Variants in LRCH4 observed in about 807,000 individuals in gnomAD.
LRCH4 encodes leucine rich repeats and calponin homology domain containing 4, also known as leucine-rich repeat and calponin homology domain-containing protein 4.
A neutral mutation model predicts 81.2 loss-of-function variants in LRCH4; 56 were observed. The ratio of observed to expected loss-of-function variants is 0.69; its 90% CI spans 0.56 to 0.86. LRCH4 has a LOEUF of 0.86. Among genes scored for constraint, LRCH4 ranks in the 40% least tolerant of loss-of-function variants. The pLI, the probability that LRCH4 is intolerant of heterozygous loss-of-function variation, is 0.00. For synonymous variants in LRCH4, 442 were observed against 409.7 expected (o/e 1.08, Z -0.95); for missense variants, 895 against 922.8 (o/e 0.97, Z 0.39).
chr7:100,585,704 T>C (rs1312564757), intron 1 of LRCH4, among the ~76,000 whole-genome samples, 177 bp downstream of exon 1: 1 of 152,128 alleles, frequency 6.6e-6, no homozygotes, highest in Non-Finnish European at 1.5e-5. Flanking sequence ...AGCACGTTCA[T>C]TGTCTAGGGG....
At position 100,578,269 on chromosome 7, in the gene LRCH4, C is replaced by G; in HGVS notation, c.849-11G>C. 1.9e-6 allele frequency: 3 copies of G among 1,612,632 alleles called. No individual in the cohort carries two copies. Among genetic ancestry groups the G allele is most frequent in the Non-Finnish European group, 1.7e-6 (2 of 1,178,618 alleles). On this transcript the variant is annotated splice_polypyrimidine_tract_variant and intron_variant, in intron 6 of 17. Transcript: ENST00000310300. This position sits in a 1 kb window ranked among gnomAD's most constrained non-coding sequence, Gnocchi z 5.7. ...AGATCCTCTGCAGGGCTGGGGCCAG[C>G]CAGGCGGATCTGGTCAGCCTGATGC... is the stretch of plus-strand genomic sequence containing the variant.
rs1305822772 is a variant in LRCH4 at position 100,578,506 on chromosome 7, G to T, written c.741C>A (p.Cys247Ter). 2 of 1,613,554 alleles carry T rather than the reference G, an allele frequency of 1.2e-6. No homozygotes were observed. The highest frequency in any genetic ancestry group is 1.7e-6 in the Non-Finnish European group (2 of 1,179,684). The change falls in exon 6 of 18, where the codon TGC (cysteine) becomes TGA (stop). Residue 247 changes from cysteine to a stop codon, truncating the protein, a stop_gained. Transcript: ENST00000310300. LOFTEE classifies it high-confidence loss of function. This position sits in a 1 kb window ranked among gnomAD's most constrained non-coding sequence, Gnocchi z 5.7. ...TGAAGATGTGAAGTTTCCCCTTCAG[G>T]CAGACCTGTGTGCGGGGCAGCACAC... ...NPLQSPPAQVCLKGKLHIFKY... is the reference protein window; with the variant it reads ...NPLQSPPAQV
At chr7:100,579,470 G>A (rs1285766663) in intron 4 of LRCH4, 2 of 152,282 alleles carry the variant, frequency 1.3e-5, no homozygotes, top group South Asian at 4.1e-4. Context: ...GGTGGCGGAC[G>A]CCTGTGGTCC....
rs532401978 is a variant in LRCH4, at chr7:100,577,213, G to A, written c.1296-59C>T. 8.9e-5 allele frequency: 143 copies of A among 1,609,086 alleles called. No homozygotes were observed. Among genetic ancestry groups the A allele is most frequent in the Middle Eastern group, 1.7e-4 (1 of 6,044 alleles). On this transcript the variant is annotated intron_variant, in intron 11 of 17. Coordinates refer to ENST00000310300, the MANE Select transcript of LRCH4 (RefSeq NM_002319.5). This position sits in a 1 kb window ranked among gnomAD's most constrained non-coding sequence, Gnocchi z 6.7. The stretch of plus-strand genomic sequence containing the variant: ...AAGGCAGAACGGCTCAGCGGGGCTC[G>A]GTGGCCCCATTTCCAGGGCTCAGTG...
chr7:100,582,740 G>A lies in LRCH4; in HGVS notation c.221-281C>T, dbSNP rs775091295. Among the ~76,000 whole-genome samples, 17 of 152,250 alleles carry A rather than the reference G, an allele frequency of 1.1e-4. No homozygotes were observed. The East Asian group carries it at 1.2e-3, about 10-fold the overall frequency. Reference sequence around the variant, plus strand: ...TGTCAATGGAGGGCTATCCTGGAGAGCAGCTGGAATCTCTAACTCCTGTGG... The same window carrying A: ...TGTCAATGGAGGGCTATCCTGGAGAACAGCTGGAATCTCTAACTCCTGTGG... On this transcript the variant is annotated intron_variant, in intron 1 of 17. Coordinates refer to ENST00000310300, the MANE Select transcript of LRCH4 (RefSeq NM_002319.5). This position sits in a 1 kb window ranked among gnomAD's most constrained non-coding sequence, Gnocchi z 5.0.
In LRCH4 at chr7:100,577,696, G is replaced by T; in HGVS notation, c.1084C>A (p.Pro362Thr). The T allele has an allele frequency of 6.2e-7, 1 of 1,614,008 alleles. No homozygotes were observed. Among genetic ancestry groups the T allele is most frequent in the South Asian group, 1.1e-5 (1 of 91,086 alleles). ...GTGCCTCGCTCTTCATCCTCCCCGG[G>T]GACATGGCTGTCGATGAAGTCAATC... Reference protein sequence around the residue: ...VQIDFIDSHVPGEDEERGTVE... With the variant: ...VQIDFIDSHVTGEDEERGTVE... The change falls in exon 9 of 18, where the codon CCC becomes ACC. Residue 362 changes from proline (P) to threonine (T), a missense_variant. Around this residue, in one of 3 missense-constraint regions of LRCH4, gnomAD observed 529 missense variants for 504.9 expected, o/e 1.05. Transcript: ENST00000310300. The surrounding 1 kb of genome is among the most constrained non-coding windows in gnomAD (Gnocchi z 6.7).
chr7:100,579,580 G>A (rs1318584522), intron 4 of LRCH4: 3 of 145,500 alleles, frequency 2.1e-5, no homozygotes, highest in Non-Finnish European at 3.0e-5. Context: ...CTGGGTGACA[G>A]AGCGAGACTC....
intron 1 of LRCH4, among the ~76,000 whole-genome samples, chr7:100,584,436 G>C (rs921203157): frequency 4.6e-5 from 7 of 151,930 alleles, no homozygotes; most frequent in South Asian, 4.2e-4. Context: ...GGCCGGGGGC[G>C]GGAGCTGGGA....
Position 100,577,909 on chromosome 7 carries a change from T to C in LRCH4, c.952A>G (p.Thr318Ala), listed in dbSNP as rs777468490. 4.3e-6 allele frequency: 7 copies of C among 1,613,602 alleles called. No homozygotes were observed. In the South Asian group the frequency reaches 7.7e-5, roughly 18 times the overall value. Residue 318 changes from threonine to alanine, a missense_variant, in exon 8 of 18, where the codon ACA becomes GCA. Thr to Ala is a moderately conservative substitution (Grantham distance 58, BLOSUM62 0). Coordinates refer to ENST00000310300, the MANE Select transcript of LRCH4 (RefSeq NM_002319.5). The surrounding 1 kb of genome is among the most constrained non-coding windows in gnomAD (Gnocchi z 6.7). The stretch of plus-strand genomic sequence containing the variant: ...AATGACAGCTCTGAAAATTCATCTG[T>C]TGACTGTAAAGGCAGAGGCAGAGAT... ...GSKRWSGNESTDEFSELSFRI... is the reference protein window; with the variant it reads ...GSKRWSGNESADEFSELSFRI...
chr7:100,576,588 G>T, intron 14 of LRCH4, 106 bp downstream of exon 14: 6 of 861,040 alleles, frequency 7.0e-6, no homozygotes, highest in South Asian at 1.7e-5. Flanking sequence ...TCAACGCAAA[G>T]GTACAAAAGG....
chr7:100,576,430 A>T, intron 14 of LRCH4, 107 bp from the exon 15 acceptor site: 1 of 756,626 alleles, frequency 1.3e-6, no homozygotes, highest in Admixed American at 2.6e-5. Flanking sequence ...TGCTTGTGGG[A>T]TTTTTTTTTA....
chr7:100,585,755 A>C, intron 1 of LRCH4, 126 bp downstream of exon 1: 1 of 1,004,814 alleles, frequency 1.0e-6, no homozygotes, highest in Non-Finnish European at 1.4e-6. Flanking sequence ...GTTTAGGGCA[A>C]TCAGGAGGGG....
intron 4 of LRCH4, chr7:100,580,578 CACACA>C (rs1429472222): frequency 6.6e-6 from 1 of 151,850 alleles, no homozygotes; most frequent in Non-Finnish European, 1.5e-5. Flanking sequence ...ACATACAACA[CACACA>C]ACACAGACCT....
rs1475274425 is a variant in LRCH4 at position 100,583,013 on chromosome 7, C to G, written c.221-554G>C. On this transcript the variant is annotated intron_variant, in intron 1 of 17. Transcript: ENST00000310300. This position sits in a 1 kb window ranked among gnomAD's most constrained non-coding sequence, Gnocchi z 4.3. ...TAGAGATAAAGTCCCCGACACCGGA[C>G]GAGTTTTTCGCCAGCCCCAAGGACC... Among the ~76,000 whole-genome samples the G allele has an allele frequency of 6.6e-6, 1 of 152,156 alleles. No homozygotes were observed. The highest frequency in any genetic ancestry group is 1.5e-5 in the Non-Finnish European group (1 of 68,028).
In LRCH4 at chr7:100,585,981, C is replaced by T; in HGVS notation, c.120G>A (p.Glu40=). ...GRRSAERALE[E]AVATGTLNLS... ...GGTTCAGGGTCCCGGTGGCCACGGC[C>T]TCCTCTAGGGCCCGCTCTGCACTGC... Residue 40 remains glutamate, a synonymous_variant, in exon 1 of 18, where the codon GAG becomes GAA. Transcript: ENST00000310300. 2 of 1,612,092 alleles carry T rather than the reference C, an allele frequency of 1.2e-6. No homozygotes were observed. The highest frequency in any genetic ancestry group is 1.7e-5 in the Admixed American group (1 of 59,942).
chr7:100,576,156 G>A (rs1019200064), intron 15 of LRCH4, 82 bp downstream of exon 15: 41 of 1,514,510 alleles, frequency 2.7e-5, no homozygotes, highest in Non-Finnish European at 3.5e-5. Context: ...AGAGGATGTG[G>A]AGGGAGGCTG....
rs763606501 is a variant in LRCH4, at chr7:100,582,007, G to A, written c.492+34C>T. Reference sequence around the variant, plus strand: ...CTAGAAGGTCCCGCTGCCTGGCTCAGGGGTCCCTTTCCTGGTCCCGTCCCC... The same window carrying A: ...CTAGAAGGTCCCGCTGCCTGGCTCAAGGGTCCCTTTCCTGGTCCCGTCCCC... On this transcript the variant is annotated intron_variant, in intron 3 of 17. Coordinates refer to ENST00000310300, the MANE Select transcript of LRCH4 (RefSeq NM_002319.5). This position sits in a 1 kb window ranked among gnomAD's most constrained non-coding sequence, Gnocchi z 5.0. The A allele has an allele frequency of 6.2e-7, 1 of 1,600,514 alleles. No homozygotes were observed. Among genetic ancestry groups the A allele is most frequent in the Non-Finnish European group, 8.5e-7 (1 of 1,173,040 alleles).
Position 100,578,730 on chromosome 7 carries a change from T to G in LRCH4, c.655A>C (p.Ile219Leu), listed in dbSNP as rs1801448568. Residue 219 changes from isoleucine to leucine, a missense_variant, in exon 5 of 18, where the codon ATC (isoleucine) becomes CTC (leucine). Ile to Leu is a conservative substitution (Grantham distance 5). Transcript: ENST00000310300. The surrounding 1 kb of genome is among the most constrained non-coding windows in gnomAD (Gnocchi z 5.7). Reference sequence around the variant, plus strand: ...CTCAGGCGGCAGAAGGAGACTGGGATTCGGGAGACGCGGTTACAGGAGAAA... The same window carrying G: ...CTCAGGCGGCAGAAGGAGACTGGGAGTCGGGAGACGCGGTTACAGGAGAAA... Reference protein sequence around the residue: ...LDFSCNRVSRIPVSFCRLRHL... With the variant: ...LDFSCNRVSRLPVSFCRLRHL... 6.2e-7 allele frequency: 1 copy of G among 1,614,008 alleles called. No individual in the cohort carries two copies. Among genetic ancestry groups the G allele is most frequent in the South Asian group, 1.1e-5 (1 of 91,078 alleles).
rs761641875 is a variant in LRCH4 at position 100,578,243 on chromosome 7, T to C, written c.864A>G (p.Leu288=). ...CACCATCGTACCGATGTCCCGGAAA[T>C]AGATCCTCTGCAGGGCTGGGGCCAG... ...PSFSPCPAED[L]FPGHRYDGGL... Residue 288 remains leucine (L), a synonymous_variant, in exon 7 of 18, where the codon CTA becomes CTG. Transcript: ENST00000310300. This position sits in a 1 kb window ranked among gnomAD's most constrained non-coding sequence, Gnocchi z 5.7. 2.5e-6 allele frequency: 4 copies of C among 1,614,046 alleles called. No individual in the cohort carries two copies. The Admixed American group carries it at 5.0e-5, about 20-fold the overall frequency.
Sources: allele counts gnomAD v4.1 joint callset (sites outside exome capture counted in the v4.1 genomes callset), GRCh38; gene constraint gnomAD v4.1.1; regional missense constraint gnomAD v4.1.1; non-coding constraint Gnocchi (gnomAD v3.1); transcripts MANE v1.5; gene names NCBI Gene and HGNC (gene_info 2026-07-23, HGNC 2026-07-21).